Variants in TTLL7 observed in about 807,000 individuals in gnomAD.
TTLL7 encodes tubulin polyglutamylase TTLL7.
A neutral mutation model predicts 120.2 loss-of-function variants in TTLL7; 53 were observed. That is an observed-to-expected ratio of 0.44 (90% CI 0.35 to 0.55). The LOEUF is 0.55. Among genes scored for constraint, TTLL7 ranks in the 20% least tolerant of loss-of-function variants. TTLL7 has a pLI of 0.00. For missense variants in TTLL7, 803 were observed against 1,054.7 expected (o/e 0.76, Z 3.31); for synonymous variants, 353 against 351.7 (o/e 1.00, Z -0.04).
chr1:83,962,385 C>T (rs928489983), intron 1 of TTLL7, among the ~76,000 whole-genome samples: 3 of 152,072 alleles, frequency 2.0e-5, no homozygotes, highest in African/African-American at 7.2e-5. Context: ...CCTTATTGCC[C>T]TTCTTGCCAA....
chr1:83,913,714 C>T (rs1359060677), intron 14 of TTLL7, among the ~76,000 whole-genome samples: 2 of 152,168 alleles, frequency 1.3e-5, no homozygotes, highest in Non-Finnish European at 2.9e-5. Context: ...ATATCTAGTT[C>T]ATTTCAACAA....
intron 6 of TTLL7, among the ~76,000 whole-genome samples, chr1:83,943,021 G>A (rs576729329): frequency 3.3e-5 from 5 of 152,160 alleles, no homozygotes; most frequent in Non-Finnish European, 7.4e-5. Context: ...GGTCCTGGAG[G>A]GGGTAGAATG....
chr1:83,926,223 A>C (rs1659107597), intron 10 of TTLL7, among the ~76,000 whole-genome samples: 1 of 152,170 alleles, frequency 6.6e-6, no homozygotes, highest in Non-Finnish European at 1.5e-5. Context: ...ACCCAGGAGG[A>C]ACATGATCGA....
chr1:83,957,339 G>A (rs1649618704), intron 1 of TTLL7, among the ~76,000 whole-genome samples: 1 of 151,992 alleles, frequency 6.6e-6, no homozygotes, highest in South Asian at 2.1e-4. Context: ...TTAATTTTTA[G>A]CTCACCCAAA....
At position 83,921,475 on chromosome 1, in the gene TTLL7, G is replaced by A. The variant is rs979387148; in HGVS notation, c.1143-81C>T. 41 of 1,467,370 alleles carry A rather than the reference G, an allele frequency of 2.8e-5. No homozygotes were observed. In the South Asian group the frequency reaches 4.1e-4, roughly 15 times the overall value. 90.9% of individuals were successfully genotyped at this position (1,467,370 alleles called of 1,614,324 possible). On this transcript the variant is annotated intron_variant, in intron 10 of 20. Transcript: ENST00000260505. Reference sequence around the variant, plus strand: ...CCCTGTGAGGAGAATTTGCAGAACAGGAGACATAGTGAAGCTCAGAATCAA... The same window carrying A: ...CCCTGTGAGGAGAATTTGCAGAACAAGAGACATAGTGAAGCTCAGAATCAA...
chr1:83,916,285 T>A (rs1355087978), intron 14 of TTLL7, among the ~76,000 whole-genome samples: 1 of 152,078 alleles, frequency 6.6e-6, no homozygotes, highest in Non-Finnish European at 1.5e-5. Flanking sequence ...ATGTGGCACA[T>A]ATACACCATG....
Position 83,907,562 on chromosome 1 carries a change from A to T in TTLL7, c.1886T>A (p.Val629Glu). 1.2e-6 allele frequency: 2 copies of T among 1,613,426 alleles called. No individual in the cohort carries two copies. Among genetic ancestry groups the T allele is most frequent in the Non-Finnish European group, 1.7e-6 (2 of 1,179,572 alleles). ...CCGAGATGCAGAAGTTGGCCGTGAC[A>T]CAGATATCATTTGTTGAGCAGAAAA... ...RPFSAQQMIS[V>E]SRPTSASRSH... The change falls in exon 16 of 21, where the codon GTG becomes GAG. Residue 629 changes from valine (V) to glutamate (E), a missense_variant. This residue lies in a region of TTLL7 where 388 missense variants were observed against 450.4 expected (regional missense o/e 0.86). Coordinates refer to ENST00000260505, the MANE Select transcript of TTLL7 (RefSeq NM_024686.6).
At chr1:83,914,395 G>T (rs892626310) in intron 14 of TTLL7, among the ~76,000 whole-genome samples, 4 of 132,068 alleles carry the variant, frequency 3.0e-5, no homozygotes, top group African/African-American at 1.2e-4. Context: ...GCAGTGGCGC[G>T]ATCTTGGCTC....
intron 9 of TTLL7, among the ~76,000 whole-genome samples, chr1:83,930,992 G>T (rs897569178): frequency 6.6e-6 from 1 of 150,480 alleles, no homozygotes; most frequent in Admixed American, 6.6e-5. Flanking sequence ...TTTCATTCAG[G>T]GTTGTTCTTG....
intron 12 of TTLL7, chr1:83,920,524 A>G (rs1047741494): frequency 6.6e-6 from 1 of 150,738 alleles, no homozygotes; most frequent in Non-Finnish European, 1.5e-5. Flanking sequence ...ACATCTTACC[A>G]TGAGTGCAAG....
intron 1 of TTLL7, among the ~76,000 whole-genome samples, chr1:83,960,932 T>C (rs1649959919): frequency 6.6e-6 from 1 of 152,180 alleles, no homozygotes; most frequent in Non-Finnish European, 1.5e-5. Flanking sequence ...TCCCTTTCCC[T>C]GGCTGGGCCC....
intron 6 of TTLL7, among the ~76,000 whole-genome samples, chr1:83,945,460 T>A (rs1033014224): frequency 6.6e-6 from 1 of 152,162 alleles, no homozygotes; most frequent in Admixed American, 6.5e-5. Flanking sequence ...CCAAAATACA[T>A]GAAGCAAACA....
At chr1:83,942,143 A>T (rs547402032) in intron 7 of TTLL7, among the ~76,000 whole-genome samples, 1 of 152,174 alleles carries the variant, frequency 6.6e-6, no homozygotes, top group Non-Finnish European at 1.5e-5. Flanking sequence ...ATTGCATGTT[A>T]GTATTATTTA....
At chr1:83,896,126 T>C (rs1223152975) in intron 18 of TTLL7, among the ~76,000 whole-genome samples, 2 of 152,084 alleles carry the variant, frequency 1.3e-5, no homozygotes, top group Admixed American at 6.6e-5. Context: ...AGAAATTGGA[T>C]GGAAGATGAA....
chr1:83,997,875 T>C (rs1653627343), intron 1 of TTLL7, among the ~76,000 whole-genome samples: 1 of 152,264 alleles, frequency 6.6e-6, no homozygotes, highest in Non-Finnish European at 1.5e-5. Flanking sequence ...TCTCCTGTTA[T>C]GACCTCACTC....
intron 20 of TTLL7, among the ~76,000 whole-genome samples, chr1:83,878,416 C>T (rs1654139763): frequency 6.6e-6 from 1 of 151,632 alleles, no homozygotes; most frequent in Non-Finnish European, 1.5e-5. Context: ...TTGTTTCTGT[C>T]AACTTTTGCT....
chr1:83,968,424 G>C (rs553201889), intron 1 of TTLL7, among the ~76,000 whole-genome samples: 1 of 151,874 alleles, frequency 6.6e-6, no homozygotes, highest in Non-Finnish European at 1.5e-5. Context: ...TTCATGTTTT[G>C]AGTAGACACA....
At chr1:83,937,745 A>T in intron 8 of TTLL7, 107 bp downstream of exon 8, 1 of 1,329,064 alleles carries the variant, frequency 7.5e-7, no homozygotes, top group Non-Finnish European at 1.1e-6. Context: ...CCTCTCAATT[A>T]TAGGGAACCA....
At chr1:83,903,794 C>T (rs1425624321) in intron 18 of TTLL7, among the ~76,000 whole-genome samples, 1 of 152,002 alleles carries the variant, frequency 6.6e-6, no homozygotes, top group African/African-American at 2.4e-5. Flanking sequence ...AACCCACAGA[C>T]ATAGAAGGCT....
Sources: gnomAD v4.1 joint callset for allele counts (sites outside exome capture counted in the v4.1 genomes callset) on GRCh38, gnomAD v4.1.1 for gene constraint, gnomAD v4.1.1 regional missense constraint, MANE v1.5 for transcripts, NCBI Gene and HGNC (gene_info 2026-07-23, HGNC 2026-07-21) for gene names.